KCNB2: variants seen among roughly 807,000 people sequenced by gnomAD.
The protein encoded by KCNB2 is delayed rectifier potassium channel protein.
Under a neutral mutation model 61.5 loss-of-function variants are expected in KCNB2, and 15 were observed. The observed-to-expected ratio is 0.24, with a 90% CI of 0.16 to 0.38. The LOEUF (loss-of-function observed/expected upper bound fraction) is 0.38. Ranked by LOEUF, KCNB2 falls within the 10% of genes least tolerant of loss-of-function variation. The pLI, the probability that KCNB2 is intolerant of heterozygous loss-of-function variation, is 1.00. For missense variants in KCNB2, 828 were observed against 1,125.2 expected (o/e 0.74, Z 3.78); for synonymous variants, 457 against 446.0 (o/e 1.02, Z -0.31).
intron 2 of KCNB2, among the ~76,000 whole-genome samples, chr8:72,680,593 A>G (rs1806734678): frequency 6.6e-6 from 1 of 152,094 alleles, no homozygotes; most frequent in African/African-American, 2.4e-5. Flanking sequence ...GGAGGCAGTG[A>G]GGTATTGAAG....
intron 2 of KCNB2, among the ~76,000 whole-genome samples, chr8:72,738,321 G>A (rs1375429500): frequency 1.5e-5 from 2 of 131,420 alleles, no homozygotes; most frequent in Admixed American, 7.5e-5. Context: ...AGTTTGTGCC[G>A]ACCTTTAACT....
chr8:72,540,978 G>T (rs1403263981), intron 1 of KCNB2, among the ~76,000 whole-genome samples: 3 of 134,664 alleles, frequency 2.2e-5, no homozygotes, highest in East Asian at 2.0e-4. Flanking sequence ...GCTAGGCCCT[G>T]CTCCCAAGAA....
intron 2 of KCNB2, among the ~76,000 whole-genome samples, chr8:72,757,868 G>T (rs1808315534): frequency 3.3e-5 from 5 of 152,198 alleles, no homozygotes; most frequent in Admixed American, 2.6e-4. Flanking sequence ...GAGCTTCAAA[G>T]TTGAGGAAGT....
In KCNB2 at chr8:72,767,277, A is replaced by G. The variant is rs1433038313; in HGVS notation, c.580-168658A>G. On this transcript the variant is annotated intron_variant, in intron 2 of 2. Transcript: ENST00000523207. ...TATCTTTATTGATATAGTATTTACT[A>G]TAAAATTCACTTATTTAATGCATAC... is the stretch of plus-strand genomic sequence containing the variant. 7.2e-5 allele frequency among the ~76,000 whole-genome samples: 11 copies of G among 152,196 alleles called. No individual in the cohort carries two copies. The South Asian group carries it at 1.9e-3, about 26-fold the overall frequency.
At chr8:72,780,531 AT>A (rs1808735872) in intron 2 of KCNB2, among the ~76,000 whole-genome samples, 1 of 151,840 alleles carries the variant, frequency 6.6e-6, no homozygotes, top group African/African-American at 2.4e-5. Context: ...ACAAATTCTT[AT>A]TTTTTTTCCT....
intron 2 of KCNB2, among the ~76,000 whole-genome samples, chr8:72,748,388 T>C (rs1189600182): frequency 6.6e-6 from 1 of 152,162 alleles, no homozygotes; most frequent in Non-Finnish European, 1.5e-5. Context: ...TTCTGGATGA[T>C]TGCAAACCAA....
At chr8:72,647,751 G>A (rs1034197357) in intron 2 of KCNB2, among the ~76,000 whole-genome samples, 6 of 152,102 alleles carry the variant, frequency 3.9e-5, no homozygotes, top group African/African-American at 1.2e-4. Context: ...GTTGGTCAGT[G>A]TACATACAAT....
At chr8:72,672,646 A>C (rs1415538440) in intron 2 of KCNB2, among the ~76,000 whole-genome samples, 1 of 151,456 alleles carries the variant, frequency 6.6e-6, no homozygotes, top group Non-Finnish European at 1.5e-5. Flanking sequence ...TTTTTTTTTA[A>C]TATAACAGCA....
At chr8:72,869,835 T>A (rs559540863) in intron 2 of KCNB2, among the ~76,000 whole-genome samples, 1 of 152,288 alleles carries the variant, frequency 6.6e-6, no homozygotes, top group South Asian at 2.1e-4. Flanking sequence ...CAACCCCACT[T>A]CTGAGTTGAT....
chr8:72,859,044 G>A (rs1490923686), intron 2 of KCNB2, among the ~76,000 whole-genome samples: 1 of 152,152 alleles, frequency 6.6e-6, no homozygotes, highest in Non-Finnish European at 1.5e-5. Flanking sequence ...CTCATAGGTT[G>A]ACCCTACGAA....
At chr8:72,929,056 C>T (rs938938224) in intron 2 of KCNB2, among the ~76,000 whole-genome samples, 6 of 152,092 alleles carry the variant, frequency 3.9e-5, no homozygotes, top group Admixed American at 6.6e-5. Context: ...TGTGCATGAT[C>T]CAGTATGAGC....
At chr8:72,549,716 C>T (rs1806315092) in intron 1 of KCNB2, among the ~76,000 whole-genome samples, 1 of 152,174 alleles carries the variant, frequency 6.6e-6, no homozygotes, top group Non-Finnish European at 1.5e-5. Context: ...CCATGCTGTG[C>T]CACATCCTTC....
chr8:72,548,363 C>T (rs750199567), intron 1 of KCNB2, among the ~76,000 whole-genome samples: 5 of 152,244 alleles, frequency 3.3e-5, no homozygotes, highest in East Asian at 1.9e-4. Flanking sequence ...CAGTCATTGA[C>T]GCATAACATG....
chr8:72,789,665 C>A (rs1370346134), intron 2 of KCNB2, among the ~76,000 whole-genome samples: 1 of 152,018 alleles, frequency 6.6e-6, no homozygotes, highest in Non-Finnish European at 1.5e-5. Flanking sequence ...CATCAGGGGA[C>A]CCTGGAGTTT....
intron 2 of KCNB2, among the ~76,000 whole-genome samples, chr8:72,854,026 C>T (rs968372127): frequency 1.3e-5 from 2 of 152,178 alleles, no homozygotes; most frequent in Non-Finnish European, 2.9e-5. Context: ...AAATCTGAAA[C>T]ATTTCCCTCA....
chr8:72,689,977 T>C (rs1015771212), intron 2 of KCNB2, among the ~76,000 whole-genome samples: 4 of 151,908 alleles, frequency 2.6e-5, no homozygotes, highest in African/African-American at 9.7e-5. Context: ...AACAAAACTA[T>C]TAGTTTTCCT....
chr8:72,846,082 C>A lies in KCNB2; in HGVS notation c.580-89853C>A, dbSNP rs539785113. Among the ~76,000 whole-genome samples the A allele has an allele frequency of 2.2e-3, 333 of 152,118 alleles. 2 individuals carry two copies. Among genetic ancestry groups the A allele is most frequent in the African/African-American group, 7.6e-3 (316 of 41,494 alleles). The stretch of plus-strand genomic sequence containing the variant: ...ACCCAGGACCTTGGTGGTGTAGGCA[C>A]CTGAGGGAATCTCCTGGTCTGCGGG... On this transcript the variant is annotated intron_variant, in intron 2 of 2. Coordinates refer to ENST00000523207, the MANE Select transcript of KCNB2 (RefSeq NM_004770.3).
intron 2 of KCNB2, among the ~76,000 whole-genome samples, chr8:72,641,331 T>C (rs1251217832): frequency 1.3e-5 from 2 of 152,134 alleles, no homozygotes; most frequent in Admixed American, 1.3e-4. Flanking sequence ...ATTTTTTCTG[T>C]CACTATCCAG....
intron 2 of KCNB2, among the ~76,000 whole-genome samples, chr8:72,657,766 A>G (rs1300499366): frequency 6.6e-6 from 1 of 152,196 alleles, no homozygotes; most frequent in Non-Finnish European, 1.5e-5. Flanking sequence ...TAGTTCTAAC[A>G]AGAACATTTG....
Sources: allele counts gnomAD v4.1 joint callset (sites outside exome capture counted in the v4.1 genomes callset), GRCh38; gene constraint gnomAD v4.1.1; transcripts MANE v1.5; gene names NCBI Gene and HGNC (gene_info 2026-07-23, HGNC 2026-07-21).